Variants in PDE4DIP observed in about 807,000 individuals in gnomAD.
PDE4DIP encodes the protein phosphodiesterase 4D interacting protein, also known as myomegalin.
Under a neutral mutation model 221.4 loss-of-function variants are expected in PDE4DIP, and 59 were observed. The observed-to-expected ratio is 0.27, with a 90% CI of 0.22 to 0.33. The LOEUF (loss-of-function observed/expected upper bound fraction) is 0.33. Ranked by LOEUF, PDE4DIP falls within the 10% of genes least tolerant of loss-of-function variation. The pLI, the probability that PDE4DIP is intolerant of heterozygous loss-of-function variation, is 1.00. For synonymous variants in PDE4DIP, 404 were observed against 815.9 expected (o/e 0.50, Z 8.60); for missense variants, 1,036 against 2,154.2 (o/e 0.48, Z 10.28).
chr1:149,009,505 T>C (rs1298666846), intron 29 of PDE4DIP, 63 bp from the exon 33 acceptor site: 39 of 1,052,500 alleles, frequency 3.7e-5, no homozygotes, highest in Non-Finnish European at 5.0e-5. Context: ...CTATGAGCCA[T>C]AGTCAGGACA....
At chr1:148,981,323 G>A (rs782300605) in exon 21 of PDE4DIP, 62 of 1,613,824 alleles carry the variant, frequency 3.8e-5, no homozygotes, top group African/African-American at 5.3e-5. Context: ...CAGGTGTTAC[G>A]CAGTCGGCTA....
chr1:148,979,299 C>T (rs1168842461), intron 19 of PDE4DIP, among the ~76,000 whole-genome samples: 1 of 152,184 alleles, frequency 6.6e-6, no homozygotes, highest in Non-Finnish European at 1.5e-5. Flanking sequence ...TGACACACAT[C>T]TATGATTAAT....
intron 27 of PDE4DIP, chr1:149,006,355 G>A (rs2067037986): frequency 6.6e-6 from 1 of 152,130 alleles, no homozygotes; most frequent in Non-Finnish European, 1.5e-5. Context: ...TCTATGGTTT[G>A]ACTGGGCTCA....
intron 5 of PDE4DIP, chr1:148,953,125 T>G: frequency 6.2e-7 from 1 of 1,614,042 alleles, no homozygotes; most frequent in South Asian, 1.1e-5. Flanking sequence ...ATGGGACGGT[T>G]GACATGTCCG....
intron 32 of PDE4DIP, among the ~76,000 whole-genome samples, chr1:149,013,221 C>G (rs1297162030): frequency 6.6e-6 from 1 of 151,764 alleles, no homozygotes; most frequent in Non-Finnish European, 1.5e-5. Context: ...AAGTTCAGTT[C>G]CTGATATCAT....
upstream of PDE4DIP, among the ~76,000 whole-genome samples, chr1:148,884,911 GA>G (rs1411623548): frequency 6.8e-6 from 1 of 146,958 alleles, no homozygotes; most frequent in African/African-American, 2.5e-5. Context: ...TTATAAGGAG[GA>G]ATGCTACTAG....
intron 35 of PDE4DIP, 152 bp from the exon 39 acceptor site, chr1:149,019,995 G>A: frequency 1.7e-6 from 1 of 595,540 alleles, no homozygotes; most frequent in Non-Finnish European, 3.0e-6. Context: ...CCAGGCTCTG[G>A]GGGATGTTGA....
intron 37 of PDE4DIP, among the ~76,000 whole-genome samples, chr1:149,024,039 C>G (rs1223405958): frequency 6.6e-6 from 1 of 151,448 alleles, no homozygotes; most frequent in Non-Finnish European, 1.5e-5. Context: ...AAGACCTCCT[C>G]CTTCTCTTTC....
intron 42 of PDE4DIP, 48 bp from the exon 46 acceptor site, chr1:149,030,184 A>C: frequency 4.4e-6 from 6 of 1,352,530 alleles, no homozygotes; most frequent in Non-Finnish European, 6.2e-6. Context: ...AAGTAGGGTT[A>C]ATTTCTGCTG....
chr1:149,030,522 T>G (rs1360571781), intron 43 of PDE4DIP: 2 of 935,946 alleles, frequency 2.1e-6, no homozygotes, highest in Admixed American at 1.2e-4. Flanking sequence ...ATCTCTCCTT[T>G]TTACTCCAAT....
chr1:148,903,102 T>C (rs1389766660), intron 1 of PDE4DIP, among the ~76,000 whole-genome samples: 121 of 152,088 alleles, frequency 8.0e-4, no homozygotes, highest in Non-Finnish European at 1.2e-3. Context: ...TGGCCATTCT[T>C]GCAGGAGTAA....
intron 32 of PDE4DIP, among the ~76,000 whole-genome samples, chr1:149,015,340 C>A (rs1553609537): frequency 1.3e-5 from 2 of 151,690 alleles, no homozygotes; most frequent in East Asian, 4.1e-4. Flanking sequence ...TGGCAAGTGG[C>A]ATTTACACTA....
intron 5 of PDE4DIP, among the ~76,000 whole-genome samples, chr1:148,948,803 A>T (rs1473865660): frequency 1.3e-5 from 2 of 151,574 alleles, no homozygotes; most frequent in Admixed American, 6.6e-5. Flanking sequence ...TCACCTCAGA[A>T]AATTTCTTTG....
At chr1:148,961,223 G>A (rs1164516109) in intron 6 of PDE4DIP, among the ~76,000 whole-genome samples, 2 of 152,164 alleles carry the variant, frequency 1.3e-5, no homozygotes, top group East Asian at 1.9e-4. Flanking sequence ...CAAGACAATC[G>A]CTTGAACGCA....
At chr1:148,946,408 C>T (rs1444478171) in intron 5 of PDE4DIP, among the ~76,000 whole-genome samples, 1 of 134,214 alleles carries the variant, frequency 7.5e-6, no homozygotes, top group Non-Finnish European at 1.6e-5. Context: ...GGTGTGGTGG[C>T]GCATGCCTAT....
Position 148,846,495 on chromosome 1 carries a change from G to A in PDE4DIP, c.234-16755G>A, listed in dbSNP as rs1376103298. On this transcript the variant is annotated intron_variant, in intron 1 of 45. Coordinates refer to the PDE4DIP transcript ENST00000524974. Reference sequence around the variant, plus strand: ...AAAAAGACCAGGCGAGGTGGCTCACGCCTGTAATTGCAGTACTTTGGGAGG... The same window carrying A: ...AAAAAGACCAGGCGAGGTGGCTCACACCTGTAATTGCAGTACTTTGGGAGG... Among the ~76,000 whole-genome samples the A allele has an allele frequency of 1.1e-4, 6 of 55,174 alleles. 2 individuals carry two copies. The highest frequency in any genetic ancestry group is 1.9e-4 in the Non-Finnish European group (6 of 31,168). 36.2% of individuals were successfully genotyped at this position (55,174 alleles called of 152,430 possible).
At chr1:148,938,177 G>T (rs587727281) in intron 5 of PDE4DIP, 2 of 182,630 alleles carry the variant, frequency 1.1e-5, no homozygotes, top group Non-Finnish European at 2.3e-5. Flanking sequence ...TTATTGCTGT[G>T]TAGCTGTAGA....
intron 3 of PDE4DIP, among the ~76,000 whole-genome samples, chr1:148,876,593 G>C (rs1691452708): frequency 1.2e-5 from 1 of 86,430 alleles, no homozygotes; most frequent in Non-Finnish European, 2.3e-5. Context: ...ATTTTATTAT[G>C]CTTACTGATA....
intron 1 of PDE4DIP, among the ~76,000 whole-genome samples, chr1:148,859,472 T>A (rs1482997064): frequency 7.2e-5 from 11 of 151,826 alleles, no homozygotes; most frequent in African/African-American, 2.6e-4. Flanking sequence ...ATATATGTGG[T>A]TTTAGTGGAA....
Sources: gnomAD v4.1 joint callset for allele counts (sites outside exome capture counted in the v4.1 genomes callset) on GRCh38, gnomAD v4.1.1 for gene constraint, MANE v1.5 for transcripts, NCBI Gene and HGNC (gene_info 2026-07-23, HGNC 2026-07-21) for gene names.